TRAPPC9: variants seen among roughly 807,000 people sequenced by gnomAD.
The protein encoded by TRAPPC9 is IKK2 binding protein.
In TRAPPC9, 83 loss-of-function variants were observed where a neutral mutation model predicts 124.0. The ratio of observed to expected loss-of-function variants is 0.67; its 90% CI spans 0.56 to 0.80. TRAPPC9 has a LOEUF of 0.80. Among genes scored for constraint, TRAPPC9 ranks in the 30% least tolerant of loss-of-function variants. The probability of loss-of-function intolerance (pLI) is 0.00; values close to 1 mark genes in which losing one functional copy is unlikely to be tolerated. For synonymous variants in TRAPPC9, 638 were observed against 617.5 expected (o/e 1.03, Z -0.49); for missense variants, 1,302 against 1,508.3 (o/e 0.86, Z 2.27).
chr8:140,251,096 G>A (rs1267335013), intron 16 of TRAPPC9, among the ~76,000 whole-genome samples: 1 of 152,198 alleles, frequency 6.6e-6, no homozygotes, highest in Non-Finnish European at 1.5e-5. Context: ...CTTCCACATG[G>A]AAGCCTTCCA....
At chr8:140,305,355 C>G (rs2066098888) in intron 10 of TRAPPC9, among the ~76,000 whole-genome samples, 1 of 151,974 alleles carries the variant, frequency 6.6e-6, no homozygotes, top group Admixed American at 6.5e-5. Flanking sequence ...GGTTGGAGTG[C>G]AGTGGTGCGA....
intron 16 of TRAPPC9, among the ~76,000 whole-genome samples, chr8:140,238,814 T>G (rs1243824111): frequency 6.6e-6 from 1 of 152,196 alleles, no homozygotes; most frequent in Non-Finnish European, 1.5e-5. Flanking sequence ...ATCAGAGAGC[T>G]GGGGCCACGG....
chr8:139,831,448 A>C (rs28630822), intron 21 of TRAPPC9, among the ~76,000 whole-genome samples: 1 of 152,112 alleles, frequency 6.6e-6, no homozygotes, highest in African/African-American at 2.4e-5. Context: ...CATGCATGCA[A>C]GCACGCACAC....
chr8:140,289,363 C>T (rs903495543), intron 12 of TRAPPC9, among the ~76,000 whole-genome samples: 1 of 152,160 alleles, frequency 6.6e-6, no homozygotes, highest in South Asian at 2.1e-4. Context: ...GGAACAGATG[C>T]AGCAGGCAAG....
rs536478528 is a variant in TRAPPC9, at chr8:140,144,421, G to T, written c.2556+77038C>A. ...TACACGTCATGAGGTTCTTTTCAAGGTACCTCAGGGTACTGTTGGCTAATG... is the reference window on the plus strand; with the variant it reads ...TACACGTCATGAGGTTCTTTTCAAGTTACCTCAGGGTACTGTTGGCTAATG... On this transcript the variant is annotated intron_variant, in intron 17 of 22. Coordinates refer to ENST00000438773, the MANE Select transcript of TRAPPC9 (RefSeq NM_001160372.4). Among the ~76,000 whole-genome samples, 608 of 152,208 alleles carry T rather than the reference G, an allele frequency of 4.0e-3. 4 individuals carry two copies. The highest frequency in any genetic ancestry group is 6.5e-3 in the Non-Finnish European group (442 of 68,022).
Position 140,423,743 on chromosome 8 carries a change from C to CAT in TRAPPC9, c.886+2870_886+2871dup, listed in dbSNP as rs1220017642. ...ATATACACATATATACATATACACA[C>CAT]ATATATATACATATATATATACACA... On this transcript the variant is annotated intron_variant, in intron 5 of 22. Transcript: ENST00000438773. Among the ~76,000 whole-genome samples, 4 of 149,620 alleles carry CAT rather than the reference C, an allele frequency of 2.7e-5. No individual in the cohort carries two copies. The East Asian group carries it at 7.8e-4, about 29-fold the overall frequency.
At chr8:140,423,391 G>T (rs1294922550) in intron 5 of TRAPPC9, among the ~76,000 whole-genome samples, 3 of 152,058 alleles carry the variant, frequency 2.0e-5, no homozygotes, top group Admixed American at 6.5e-5. Context: ...AGTGAGCCAA[G>T]ACCGCACCAT....
At chr8:139,811,529 CA>C (rs1306839900) in intron 21 of TRAPPC9, among the ~76,000 whole-genome samples, 2 of 152,206 alleles carry the variant, frequency 1.3e-5, no homozygotes, top group African/African-American at 4.8e-5. Flanking sequence ...AGAACCAGAA[CA>C]TTGGAGACTG....
chr8:139,917,329 T>C (rs1832217874), intron 19 of TRAPPC9, among the ~76,000 whole-genome samples: 2 of 151,836 alleles, frequency 1.3e-5, no homozygotes, highest in African/African-American at 4.8e-5. Flanking sequence ...TACACGCGCC[T>C]GCCACCATGC....
chr8:139,790,461 G>A (rs919127752), intron 21 of TRAPPC9, among the ~76,000 whole-genome samples: 1 of 152,194 alleles, frequency 6.6e-6, no homozygotes, highest in African/African-American at 2.4e-5. Context: ...GTGCTCACAG[G>A]GGAAGGCAGG....
In TRAPPC9 at chr8:139,730,862, G is replaced by T; in HGVS notation, c.*199C>A. ...ACAGTGTAGGAAGGGGCGTGGCATG[G>T]GGTGGGGCTGCCATGTCCGGGGCTT... On this transcript the variant is annotated 3_prime_UTR_variant, in exon 23 of 23. Coordinates refer to ENST00000438773, the MANE Select transcript of TRAPPC9 (RefSeq NM_001160372.4). 1.6e-6 allele frequency: 1 copy of T among 619,998 alleles called. No individual in the cohort carries two copies. Among genetic ancestry groups the T allele is most frequent in the Non-Finnish European group, 2.8e-6 (1 of 353,962 alleles). The allele number at this position is 619,998 out of a possible 1,614,324, so 38.4% of individuals were successfully genotyped here.
chr8:139,968,519 G>A (rs1044680662), intron 19 of TRAPPC9, among the ~76,000 whole-genome samples: 9 of 152,202 alleles, frequency 5.9e-5, no homozygotes, highest in Non-Finnish European at 1.0e-4. Flanking sequence ...GAATCACGTC[G>A]CTAGTGGGCA....
Position 140,110,255 on chromosome 8 carries a change from C to G in TRAPPC9, c.2557-86176G>C, listed in dbSNP as rs186195238. Among the ~76,000 whole-genome samples, 13 of 134,928 alleles carry G rather than the reference C, an allele frequency of 9.6e-5. No individual in the cohort carries two copies. In the East Asian group the frequency reaches 1.4e-3, roughly 15 times the overall value. The allele number at this position is 134,928 out of a possible 152,430, so 88.5% of individuals were successfully genotyped here. A position where few individuals can be genotyped will look rare whatever the true frequency, so the allele number is the denominator to read the frequency against. On this transcript the variant is annotated intron_variant, in intron 17 of 22. Coordinates refer to ENST00000438773, the MANE Select transcript of TRAPPC9 (RefSeq NM_001160372.4). ...GCAGCTCCCCCTGTAGCAGCTCCCC[C>G]CTGCACCCCCTGCAGCAGCTCCCCA...
chr8:140,434,980 A>C (rs2070761522), intron 4 of TRAPPC9, 132 bp downstream of exon 4: 1 of 1,478,112 alleles, frequency 6.8e-7, no homozygotes, highest in African/African-American at 1.4e-5. Flanking sequence ...AAAAAAAAAA[A>C]AAAATTACTG....
intron 17 of TRAPPC9, among the ~76,000 whole-genome samples, chr8:140,208,936 C>A (rs921272048): frequency 6.6e-6 from 1 of 152,218 alleles, no homozygotes; most frequent in African/African-American, 2.4e-5. Flanking sequence ...GCAGGGCCAA[C>A]TGCAGGACTA....
intron 21 of TRAPPC9, among the ~76,000 whole-genome samples, chr8:139,797,156 T>C (rs1823158397): frequency 6.6e-6 from 1 of 152,200 alleles, no homozygotes; most frequent in African/African-American, 2.4e-5. Flanking sequence ...CAGTCCCTTA[T>C]CAGATATATG....
intron 8 of TRAPPC9, among the ~76,000 whole-genome samples, chr8:140,369,089 A>G (rs984351345): frequency 2.0e-5 from 3 of 152,084 alleles, no homozygotes; most frequent in African/African-American, 7.2e-5. Context: ...AAAGCCTAAA[A>G]TATTTACTAT....
chr8:139,947,894 G>GTGTGTATA (rs1554678277), intron 19 of TRAPPC9, among the ~76,000 whole-genome samples: 3 of 65,858 alleles, frequency 4.6e-5, no homozygotes, highest in South Asian at 5.9e-4. Context: ...AAATATGTGT[G>GTGTGTATA]TATATATATA....
intron 5 of TRAPPC9, among the ~76,000 whole-genome samples, chr8:140,419,288 G>C (rs531730366): frequency 6.6e-6 from 1 of 150,854 alleles, no homozygotes; most frequent in African/African-American, 2.4e-5. Context: ...AATTAGCCGC[G>C]CGTGGTGGCG....
Sources: allele counts gnomAD v4.1 joint callset (sites outside exome capture counted in the v4.1 genomes callset), GRCh38; gene constraint gnomAD v4.1.1; transcripts MANE v1.5; gene names NCBI Gene and HGNC (gene_info 2026-07-23, HGNC 2026-07-21).